MIB1: variants seen among roughly 807,000 people sequenced by gnomAD.
MIB1 encodes MIB E3 ubiquitin protein ligase 1.
Under a neutral mutation model 124.5 loss-of-function variants are expected in MIB1, and 278 were observed. The observed-to-expected ratio is 2.23, with a 90% CI of 2.02 to 2.47. The LOEUF is 2.47. Among genes scored for constraint, MIB1 ranks in the 30% most tolerant of loss-of-function variants. The pLI, the probability that MIB1 is intolerant of heterozygous loss-of-function variation, is 0.00. For synonymous variants in MIB1, 446 were observed against 429.4 expected (o/e 1.04, Z -0.48); for missense variants, 957 against 1,254.4 (o/e 0.76, Z 3.58).
chr18:21,725,119 C>T (rs1045062591), intron 1 of MIB1, among the ~76,000 whole-genome samples: 3 of 143,346 alleles, frequency 2.1e-5, no homozygotes, highest in East Asian at 2.0e-4. Context: ...AAAAAAAAGA[C>T]GAATGTCATA....
rs2042308859 is a variant in MIB1 at position 21,864,902 on chromosome 18, T to G, written c.*236T>G. The stretch of plus-strand genomic sequence containing the variant: ...CAAATTCATGTAACTCATAGGATAA[T>G]TTACCTTTGGCTTCTAAGAGGAAAG... On this transcript the variant is annotated 3_prime_UTR_variant, in exon 21 of 21. Coordinates refer to ENST00000261537, the MANE Select transcript of MIB1 (RefSeq NM_020774.4). 2.9e-5 allele frequency: 10 copies of G among 348,432 alleles called. No homozygotes were observed. The Admixed American group carries it at 4.0e-4, about 14-fold the overall frequency. 21.6% of individuals were successfully genotyped at this position (348,432 alleles called of 1,614,324 possible).
intron 1 of MIB1, among the ~76,000 whole-genome samples, chr18:21,764,791 T>A (rs2041137895): frequency 6.6e-6 from 1 of 152,116 alleles, no homozygotes; most frequent in African/African-American, 2.4e-5. Context: ...TAAATACTTC[T>A]GATAAAACGA....
intron 1 of MIB1, among the ~76,000 whole-genome samples, chr18:21,732,529 T>C (rs1356386218): frequency 2.6e-5 from 4 of 151,926 alleles, no homozygotes; most frequent in African/African-American, 9.7e-5. Flanking sequence ...CCTGAGTAGC[T>C]GGGACCACAG....
At chr18:21,765,970 C>T (rs780865224) in intron 2 of MIB1, 27 bp downstream of exon 2, 2 of 1,609,306 alleles carry the variant, frequency 1.2e-6, no homozygotes, top group Non-Finnish European at 1.7e-6. Context: ...TCTTCTTCAA[C>T]CGAGGGTTTT....
chr18:21,820,029 TAA>T (rs1017264401), intron 12 of MIB1, among the ~76,000 whole-genome samples: 5 of 152,226 alleles, frequency 3.3e-5, no homozygotes, highest in African/African-American at 9.6e-5. Flanking sequence ...AAATAAATAC[TAA>T]GTTACCTAAT....
At chr18:21,808,948 A>C (rs924472036) in intron 10 of MIB1, among the ~76,000 whole-genome samples, 3 of 152,136 alleles carry the variant, frequency 2.0e-5, no homozygotes, top group South Asian at 4.1e-4. Context: ...ATTTAATTAA[A>C]AAAAAACTGC....
At chr18:21,776,856 A>G (rs2041294202) in intron 4 of MIB1, among the ~76,000 whole-genome samples, 1 of 151,990 alleles carries the variant, frequency 6.6e-6, no homozygotes, top group Admixed American at 6.6e-5. Flanking sequence ...ATATGCCTGT[A>G]TTCCCAGCTA....
chr18:21,758,633 C>T (rs2041061966), intron 1 of MIB1, among the ~76,000 whole-genome samples: 1 of 151,982 alleles, frequency 6.6e-6, no homozygotes, highest in Admixed American at 6.6e-5. Flanking sequence ...CTCCTGGGTT[C>T]AAGCAATTCT....
chr18:21,815,018 T>C (rs1185748987), intron 10 of MIB1, among the ~76,000 whole-genome samples: 9 of 43,660 alleles, frequency 2.1e-4, no homozygotes, highest in African/African-American at 1.2e-3. Context: ...GTTTTATATA[T>C]ATATATATAT....
In MIB1 at chr18:21,864,533, G is replaced by T; in HGVS notation, c.2888G>T (p.Cys963Phe). The T allele has an allele frequency of 1.2e-6, 2 of 1,611,780 alleles. No homozygotes were observed. The highest frequency in any genetic ancestry group is 1.7e-6 in the Non-Finnish European group (2 of 1,178,198). The change falls in exon 21 of 21, where the codon TGC (cysteine) becomes TTC (phenylalanine). Residue 963 changes from cysteine (C) to phenylalanine (F), a missense_variant. Physicochemically the swap from Cys to Phe is radical, Grantham distance 205. Transcript: ENST00000261537. ...QLQDIKEQTMCPVCLDRLKNM... is the reference protein window; with the variant it reads ...QLQDIKEQTMFPVCLDRLKNM... ...TGTTATCTCACATTACAGACAATGT[G>T]CCCTGTGTGTCTAGATCGTCTGAAG...
intron 12 of MIB1, among the ~76,000 whole-genome samples, chr18:21,832,744 A>T (rs1203202185): frequency 1.3e-5 from 2 of 152,156 alleles, no homozygotes; most frequent in African/African-American, 4.8e-5. Flanking sequence ...TGGCATAAGG[A>T]ATACTTCTTT....
At chr18:21,753,717 C>T (rs1459989560) in intron 1 of MIB1, among the ~76,000 whole-genome samples, 1 of 151,858 alleles carries the variant, frequency 6.6e-6, no homozygotes, top group East Asian at 1.9e-4. Flanking sequence ...GCTCTTGTTG[C>T]CCAGGCTGGA....
chr18:21,827,613 G>T (rs1651982542), intron 12 of MIB1: 1 of 152,020 alleles, frequency 6.6e-6, no homozygotes, highest in African/African-American at 2.4e-5. Context: ...TTGCCATTCT[G>T]TTTTGTGGAT....
chr18:21,818,806 G>A (rs1416910005), intron 11 of MIB1, among the ~76,000 whole-genome samples: 2 of 152,082 alleles, frequency 1.3e-5, no homozygotes, highest in East Asian at 3.9e-4. Flanking sequence ...ATGGTGGTGG[G>A]TGCCTGTAAT....
intron 9 of MIB1, among the ~76,000 whole-genome samples, chr18:21,802,711 G>A (rs948161428): frequency 6.6e-5 from 10 of 152,118 alleles, no homozygotes; most frequent in African/African-American, 2.2e-4. Flanking sequence ...TATAAGAGGG[G>A]ACAAATCTCC....
chr18:21,839,183 C>G (rs1480394326), intron 13 of MIB1, among the ~76,000 whole-genome samples: 1 of 152,028 alleles, frequency 6.6e-6, no homozygotes, highest in African/African-American at 2.4e-5. Context: ...GATGAAACAG[C>G]AGAAAAATTT....
intron 6 of MIB1, among the ~76,000 whole-genome samples, chr18:21,782,303 A>G (rs2041378726): frequency 6.6e-6 from 1 of 151,924 alleles, no homozygotes. Flanking sequence ...TTGTATTTTT[A>G]GTAGAGATGG....
intron 4 of MIB1, among the ~76,000 whole-genome samples, chr18:21,774,568 C>G (rs551258984): frequency 6.6e-6 from 1 of 152,120 alleles, no homozygotes; most frequent in Non-Finnish European, 1.5e-5. Context: ...TGTACTCCAG[C>G]CTAGGTAATG....
At chr18:21,854,467 T>A (rs1051748623) in intron 18 of MIB1, among the ~76,000 whole-genome samples, 1 of 152,202 alleles carries the variant, frequency 6.6e-6, no homozygotes, top group African/African-American at 2.4e-5. Context: ...ACATCTGTCA[T>A]TCACCAAAGT....
Sources: gnomAD v4.1 joint callset for allele counts (sites outside exome capture counted in the v4.1 genomes callset) on GRCh38, gnomAD v4.1.1 for gene constraint, MANE v1.5 for transcripts, NCBI Gene and HGNC (gene_info 2026-07-23, HGNC 2026-07-21) for gene names.